Variants in ABCC2 observed in about 807,000 individuals in gnomAD.
ABCC2 encodes the protein ATP binding cassette subfamily C member 2.
Under a neutral mutation model 173.4 loss-of-function variants are expected in ABCC2, and 157 were observed. That is an observed-to-expected ratio of 0.91 (90% CI 0.80 to 1.03). The LOEUF (loss-of-function observed/expected upper bound fraction) is 1.03, where lower values mean the gene tolerates loss of function less well. ABCC2 is among the 50% of genes least tolerant of loss of function. The probability of loss-of-function intolerance (pLI) is 0.00; values close to 1 mark genes in which losing one functional copy is unlikely to be tolerated. For missense variants in ABCC2, 1,822 were observed against 1,852.3 expected, an observed-to-expected ratio of 0.98 and a Z score of 0.30; for synonymous variants, 657 against 693.5, an observed-to-expected ratio of 0.95 and a Z score of 0.83.
intron 7 of ABCC2, chr10:99,797,709 T>G (rs911746372): frequency 7.7e-6 from 2 of 258,312 alleles, no homozygotes; most frequent in African/African-American, 4.4e-5. Context: ...ACTAAAAGAT[T>G]GCTCATCTTT....
rs748360241 is a variant in ABCC2, at chr10:99,843,931, A to G, written c.3843+31A>G. 26 of 1,554,976 alleles carry G rather than the reference A, an allele frequency of 1.7e-5. No individual in the cohort carries two copies. In the South Asian group the frequency reaches 2.7e-4, roughly 16 times the overall value. On this transcript the variant is annotated intron_variant, in intron 27 of 31. Coordinates refer to ENST00000647814, the MANE Select transcript of ABCC2 (RefSeq NM_000392.5). Reference sequence around the variant, plus strand: ...GAGGAACTGGAAAAATCCAGGAACAAGGCAAAAACAACATGCAACTCCTTC... The same window carrying G: ...GAGGAACTGGAAAAATCCAGGAACAGGGCAAAAACAACATGCAACTCCTTC...
intron 6 of ABCC2, among the ~76,000 whole-genome samples, chr10:99,795,248 A>T (rs1387134942): frequency 6.6e-6 from 1 of 152,248 alleles, no homozygotes; most frequent in African/African-American, 2.4e-5. Flanking sequence ...AACCAAATAT[A>T]TTGAAATATA....
In ABCC2 at chr10:99,813,153, G is replaced by C. The variant is rs1222590135; in HGVS notation, c.2094+9G>C. On this transcript the variant is annotated intron_variant, in intron 16 of 31. Transcript: ENST00000647814. The stretch of plus-strand genomic sequence containing the variant: ...GGCACATCACCATCAAGGTGAGAGG[G>C]AATGCCAATGCAAAAGCCTCTGACT... 1.2e-6 allele frequency: 2 copies of C among 1,613,016 alleles called. No individual in the cohort carries two copies. The highest frequency in any genetic ancestry group is 1.7e-6 in the Non-Finnish European group (2 of 1,179,540).
At chr10:99,837,397 A>T (rs1203564912) in intron 25 of ABCC2, among the ~76,000 whole-genome samples, 1 of 40,894 alleles carries the variant, frequency 2.4e-5, no homozygotes, top group Non-Finnish European at 4.8e-5. Flanking sequence ...TTGGCCTGCC[A>T]CAGTGCTGGG....
chr10:99,806,647 GAATT>G (rs1427253133), intron 11 of ABCC2, among the ~76,000 whole-genome samples: 1 of 152,154 alleles, frequency 6.6e-6, no homozygotes, highest in African/African-American at 2.4e-5. Context: ...TTATGAAGAA[GAATT>G]ATCTTTCATC....
intron 17 of ABCC2, 65 bp from the exon 18 acceptor site, chr10:99,818,725 C>T: frequency 6.3e-7 from 1 of 1,585,894 alleles, no homozygotes; most frequent in Non-Finnish European, 8.6e-7. Flanking sequence ...TTTACCCCTC[C>T]CTATTAGATT....
chr10:99,845,923 G>A, intron 29 of ABCC2, 141 bp downstream of exon 29: 1 of 942,452 alleles, frequency 1.1e-6, no homozygotes, highest in Non-Finnish European at 1.6e-6. Flanking sequence ...TAGTTCCCTA[G>A]GATGGACACG....
intron 25 of ABCC2, among the ~76,000 whole-genome samples, chr10:99,839,322 C>T (rs1320967311): frequency 1.9e-5 from 2 of 103,124 alleles, no homozygotes; most frequent in Admixed American, 8.6e-5. Flanking sequence ...CGGGCAGAGG[C>T]GCCCCTCACC....
intron 31 of ABCC2, among the ~76,000 whole-genome samples, chr10:99,851,050 TG>T (rs1387566945): frequency 6.6e-6 from 1 of 152,168 alleles, no homozygotes; most frequent in Non-Finnish European, 1.5e-5. Context: ...TAACTGGGTA[TG>T]GGGAGGTGGA....
chr10:99,795,731 G>T (rs1318278318), intron 6 of ABCC2, among the ~76,000 whole-genome samples: 1 of 129,022 alleles, frequency 7.8e-6, no homozygotes, highest in African/African-American at 3.0e-5. Flanking sequence ...AAGAAAGAAA[G>T]AAAGAAGGAA....
In ABCC2 at chr10:99,851,632, C is replaced by T; in HGVS notation, c.*1C>T. ...GAATGTGAACAGCACAAAATTCTAGCAGAAGGCCCCATGGGTTAGAAAAGG... is the reference window on the plus strand; with the variant it reads ...GAATGTGAACAGCACAAAATTCTAGTAGAAGGCCCCATGGGTTAGAAAAGG... On this transcript the variant is annotated 3_prime_UTR_variant, in exon 32 of 32. Transcript: ENST00000647814. 6.2e-7 allele frequency: 1 copy of T among 1,613,926 alleles called. No individual in the cohort carries two copies.
chr10:99,797,405 C>T, intron 7 of ABCC2, 74 bp downstream of exon 7: 1 of 1,348,128 alleles, frequency 7.4e-7, no homozygotes, highest in Non-Finnish European at 1.0e-6. Context: ...CATGGCGATT[C>T]TGTCCTTACA....
At chr10:99,831,587 A>G in intron 21 of ABCC2, 24 bp from the exon 22 acceptor site, 1 of 1,603,082 alleles carries the variant, frequency 6.2e-7, no homozygotes, top group Non-Finnish European at 8.5e-7. Context: ...GAGTTCTACT[A>G]ATATTGAGGT....
chr10:99,784,559 C>T, intron 1 of ABCC2, 49 bp from the exon 2 acceptor site: 1 of 1,605,820 alleles, frequency 6.2e-7, no homozygotes, highest in Non-Finnish European at 8.5e-7. Context: ...GGGTGGTTTT[C>T]TGTCTTCACA....
chr10:99,812,954 G>A, intron 15 of ABCC2, 64 bp from the exon 16 acceptor site: 1 of 1,594,366 alleles, frequency 6.3e-7, no homozygotes. Context: ...TCAGAGAAGT[G>A]ACTTGAACTA....
Position 99,814,133 on chromosome 10 carries a change from GTATA to G in ABCC2, c.2094+994_2094+997del, listed in dbSNP as rs1159602215. 4.0e-4 allele frequency among the ~76,000 whole-genome samples: 25 copies of G among 62,296 alleles called. 6 individuals are homozygous for G. The highest frequency in any genetic ancestry group is 7.4e-4 in the Non-Finnish European group (23 of 30,956). The allele number at this position is 62,296 out of a possible 152,430, so 40.9% of individuals were successfully genotyped here. A position where few individuals can be genotyped will look rare whatever the true frequency, so the allele number is the denominator to read the frequency against. On this transcript the variant is annotated intron_variant, in intron 16 of 31. Transcript: ENST00000647814. ...TATGTGTATATACACACATATGTGT[GTATA>G]TATACACACATGTATGTATACACAC...
intron 25 of ABCC2, among the ~76,000 whole-genome samples, chr10:99,840,253 GGCGGCGGCTGCGGTCGGTC>G (rs2038912805): frequency 7.2e-6 from 1 of 138,250 alleles, no homozygotes; most frequent in Non-Finnish European, 1.6e-5. Context: ...GCGGTCGGGC[GGCGGCGGCTGCGGTCGGTC>G]GCGGCAGCGG....
At chr10:99,819,380 C>G in intron 19 of ABCC2, 111 bp downstream of exon 19, 1 of 1,050,704 alleles carries the variant, frequency 9.5e-7, no homozygotes, top group Non-Finnish European at 1.4e-6. Context: ...TGGAAGCAAA[C>G]TACCCAGAGA....
chr10:99,809,900 A>G (rs1254062559), intron 13 of ABCC2, among the ~76,000 whole-genome samples: 1 of 152,240 alleles, frequency 6.6e-6, no homozygotes, highest in African/African-American at 2.4e-5. Flanking sequence ...TTAGGGCCGA[A>G]GACTGGAGAG....
Sources: gnomAD v4.1 joint callset for allele counts (sites outside exome capture counted in the v4.1 genomes callset) on GRCh38, gnomAD v4.1.1 for gene constraint, MANE v1.5 for transcripts, NCBI Gene and HGNC (gene_info 2026-07-23, HGNC 2026-07-21) for gene names.